Variants in FBXW7 observed in about 807,000 individuals in gnomAD.
FBXW7 encodes F-box and WD repeat domain containing 7, also known as F-box/WD repeat-containing protein 7.
A neutral mutation model predicts 86.3 loss-of-function variants in FBXW7; 11 were observed. The ratio of observed to expected loss-of-function variants is 0.13; its 90% confidence interval spans 0.08 to 0.21. The LOEUF (loss-of-function observed/expected upper bound fraction) is 0.21, where lower values mean the gene tolerates loss of function less well. FBXW7 is among the 10% of genes least tolerant of loss of function. The pLI is 1.00. For synonymous variants in FBXW7, 313 were observed against 297.9 expected (o/e 1.05, Z -0.52); for missense variants, 488 against 847.4 (o/e 0.58, Z 5.27).
At chr4:152,470,842 T>C (rs1458746585) in intron 2 of FBXW7, among the ~76,000 whole-genome samples, 1 of 152,152 alleles carries the variant, frequency 6.6e-6, no homozygotes, top group Non-Finnish European at 1.5e-5. Flanking sequence ...TTAAACATTG[T>C]AGCTGCATTT....
At chr4:152,327,309 A>C (rs1357384719) in intron 11 of FBXW7, among the ~76,000 whole-genome samples, 1 of 152,070 alleles carries the variant, frequency 6.6e-6, no homozygotes, top group Non-Finnish European at 1.5e-5. Flanking sequence ...CACATATTAC[A>C]AATCTGGTGT....
At chr4:152,475,354 C>A (rs1744300286) in intron 2 of FBXW7, among the ~76,000 whole-genome samples, 1 of 151,942 alleles carries the variant, frequency 6.6e-6, no homozygotes, top group African/African-American at 2.4e-5. Context: ...TTGGGCCCAA[C>A]AGTTTGAAGC....
intron 2 of FBXW7, among the ~76,000 whole-genome samples, chr4:152,506,121 C>T (rs1015629017): frequency 6.6e-6 from 1 of 152,026 alleles, no homozygotes; most frequent in Non-Finnish European, 1.5e-5. Flanking sequence ...AGGTACTGTA[C>T]ATAATTGTAT....
At chr4:152,354,943 A>G (rs1732227842) in intron 4 of FBXW7, among the ~76,000 whole-genome samples, 1 of 152,144 alleles carries the variant, frequency 6.6e-6, no homozygotes, top group Non-Finnish European at 1.5e-5. Flanking sequence ...CCTTTAAGTG[A>G]GAAATGCGAA....
At chr4:152,509,343 ACTATTTTTGCCACCGTTTT>A (rs1452899380) in intron 2 of FBXW7, among the ~76,000 whole-genome samples, 1 of 152,172 alleles carries the variant, frequency 6.6e-6, no homozygotes, top group Non-Finnish European at 1.5e-5. Context: ...TACCCTTTAT[ACTATTTTTGCCACCGTTTT>A]CCTGAGTCTA....
At chr4:152,492,560 C>A (rs967759906) in intron 2 of FBXW7, among the ~76,000 whole-genome samples, 6 of 152,096 alleles carry the variant, frequency 3.9e-5, no homozygotes, top group African/African-American at 1.4e-4. Flanking sequence ...TTTAATTTTA[C>A]CCCTTCTAGT....
intron 4 of FBXW7, among the ~76,000 whole-genome samples, chr4:152,399,373 G>A (rs1260582497): frequency 6.6e-6 from 1 of 152,130 alleles, no homozygotes; most frequent in African/African-American, 2.4e-5. Flanking sequence ...CACACTTAAG[G>A]ATGGAAACTC....
Position 152,411,054 on chromosome 4 carries a change from G to A in FBXW7, c.501+249C>T, listed in dbSNP as rs1411271008. ...GGACGCAAGGTTTAGACGAAAATTT[G>A]ATGTTAATAATTTTTCATAGTAATA... is the stretch of plus-strand genomic sequence containing the variant. On this transcript the variant is annotated intron_variant, in intron 4 of 13. Transcript: ENST00000281708. 1.0e-5 allele frequency: 6 copies of A among 593,658 alleles called. No homozygotes were observed. The Admixed American group carries it at 1.6e-4, about 16-fold the overall frequency. 36.8% of individuals were successfully genotyped at this position (593,658 alleles called of 1,614,324 possible).
intron 2 of FBXW7, among the ~76,000 whole-genome samples, chr4:152,447,353 A>G (rs1256449165): frequency 6.6e-6 from 1 of 152,230 alleles, no homozygotes; most frequent in African/African-American, 2.4e-5. Flanking sequence ...AGTCTGTATA[A>G]AACACTTTAC....
At chr4:152,477,241 C>T (rs1744498551) in intron 2 of FBXW7, among the ~76,000 whole-genome samples, 1 of 152,038 alleles carries the variant, frequency 6.6e-6, no homozygotes, top group Admixed American at 6.6e-5. Context: ...GACAATGGGA[C>T]TCTAGTTCCA....
chr4:152,522,862 AC>A (rs1282214613), intron 2 of FBXW7, among the ~76,000 whole-genome samples: 1 of 152,230 alleles, frequency 6.6e-6, no homozygotes, highest in East Asian at 1.9e-4. Flanking sequence ...AGGTCATACA[AC>A]CAGTAAGTGT....
intron 2 of FBXW7, among the ~76,000 whole-genome samples, chr4:152,470,217 G>T (rs1032984680): frequency 6.6e-6 from 1 of 151,988 alleles, no homozygotes; most frequent in Non-Finnish European, 1.5e-5. Flanking sequence ...AGATGCTAAT[G>T]AATTATAAAG....
chr4:152,406,021 C>T (rs541286900), intron 4 of FBXW7, among the ~76,000 whole-genome samples: 2 of 152,294 alleles, frequency 1.3e-5, no homozygotes, highest in South Asian at 4.1e-4. Context: ...AAAGTGAAAA[C>T]AATATTCATC....
intron 2 of FBXW7, among the ~76,000 whole-genome samples, chr4:152,493,162 T>C (rs1746019533): frequency 6.6e-6 from 1 of 151,484 alleles, no homozygotes; most frequent in South Asian, 2.1e-4. Context: ...ATAGTTTTTT[T>C]GTTTTTTGTT....
intron 2 of FBXW7, among the ~76,000 whole-genome samples, chr4:152,533,486 T>G (rs540197812): frequency 1.3e-5 from 2 of 152,186 alleles, no homozygotes; most frequent in Non-Finnish European, 2.9e-5. Context: ...AAGGACAGAA[T>G]TTAAAGTTCC....
chr4:152,468,875 T>G (rs1226040804), intron 2 of FBXW7, among the ~76,000 whole-genome samples: 2 of 152,102 alleles, frequency 1.3e-5, no homozygotes, highest in East Asian at 1.9e-4. Flanking sequence ...GTTACTCTTT[T>G]GTACTTAATA....
Position 152,330,742 on chromosome 4 carries a change from T to A in FBXW7, c.1112A>T (p.Lys371Ile). 6.2e-7 allele frequency: 1 copy of A among 1,612,076 alleles called. No individual in the cohort carries two copies. The highest frequency in any genetic ancestry group is 1.3e-5 in the African/African-American group (1 of 74,930). The change falls in exon 9 of 14, where the codon AAA becomes ATA. Residue 371 changes from lysine to isoleucine, a missense_variant. Around this residue, in one of 4 missense-constraint regions of FBXW7, gnomAD observed 57 missense variants for 62.8 expected, o/e 0.91. Transcript: ENST00000281708. ...GCAGAGTTCAGTTACCTTAGGAGAT[T>A]TGAGTTCTCCTCGCCTCCAGTTAGT... is the stretch of plus-strand genomic sequence containing the variant. ...IDTNWRRGEL[K>I]SPKVLKGHDD...
chr4:152,478,922 T>C (rs1744645127), intron 2 of FBXW7, among the ~76,000 whole-genome samples: 2 of 152,274 alleles, frequency 1.3e-5, no homozygotes, highest in South Asian at 4.1e-4. Context: ...TTGGGCATAG[T>C]ACTTTTCTAA....
chr4:152,426,291 C>A (rs893666026), intron 2 of FBXW7, among the ~76,000 whole-genome samples: 3 of 150,958 alleles, frequency 2.0e-5, no homozygotes, highest in Non-Finnish European at 4.4e-5. Flanking sequence ...AGTTGGAGTT[C>A]CAGAAAGAGA....
Sources: allele counts gnomAD v4.1 joint callset (sites outside exome capture counted in the v4.1 genomes callset), GRCh38; gene constraint gnomAD v4.1.1; regional missense constraint gnomAD v4.1.1; transcripts MANE v1.5; gene names NCBI Gene and HGNC (gene_info 2026-07-23, HGNC 2026-07-21).